SASH1: variants seen among roughly 807,000 people sequenced by gnomAD.
The protein encoded by SASH1 is SAM and SH3 domain-containing protein 1.
SASH1 carries 44 observed loss-of-function variants against 125.2 expected under a neutral mutation model. The observed-to-expected ratio is 0.35, with a 90% CI of 0.28 to 0.45. SASH1 has a LOEUF of 0.45. Ranked by LOEUF, SASH1 falls within the 20% of genes least tolerant of loss-of-function variation. The pLI is 1.00. For missense variants in SASH1, 1,426 were observed against 1,614.5 expected (o/e 0.88, Z 2.00); for synonymous variants, 639 against 649.1 (o/e 0.98, Z 0.24).
At chr6:148,211,880 C>A in the SASH1 span, among the ~76,000 whole-genome samples, 1 of 152,162 alleles carries the variant, frequency 6.6e-6, no homozygotes, top group Non-Finnish European at 1.5e-5. Flanking sequence ...GGAACCCCCA[C>A]GTTCCTTCTT....
chr6:148,312,718 G>A (rs1052856048), intron 1 of SASH1, among the ~76,000 whole-genome samples: 1 of 152,150 alleles, frequency 6.6e-6, no homozygotes, highest in Non-Finnish European at 1.5e-5. Context: ...AGTAAAATTT[G>A]CTAAAGTTTA....
chr6:148,237,754 G>A, the SASH1 span: 12 of 152,140 alleles, frequency 7.9e-5, no homozygotes, highest in African/African-American at 2.7e-4. Context: ...AGCAGACATG[G>A]GCAAAGGGAC....
chr6:148,277,995 G>C (rs941710669), intron 1 of SASH1, among the ~76,000 whole-genome samples: 1 of 151,998 alleles, frequency 6.6e-6, no homozygotes, highest in Non-Finnish European at 1.5e-5. Flanking sequence ...GATTGCAGGC[G>C]TGAGCCACTG....
upstream of SASH1, among the ~76,000 whole-genome samples, chr6:148,268,708 C>A (rs574453876): frequency 1.3e-5 from 2 of 152,340 alleles, no homozygotes; most frequent in East Asian, 3.9e-4. Context: ...CTATTTCTTG[C>A]ACTGTTTTGA....
intron 4 of SASH1, among the ~76,000 whole-genome samples, chr6:148,443,854 A>G (rs1465234978): frequency 6.6e-6 from 1 of 152,178 alleles, no homozygotes; most frequent in East Asian, 1.9e-4. Context: ...CCTTACATCA[A>G]AATGCTTGCT....
chr6:148,256,949 G>A, the SASH1 span, among the ~76,000 whole-genome samples: 1 of 152,066 alleles, frequency 6.6e-6, no homozygotes, highest in African/African-American at 2.4e-5. Context: ...TATGGGGTGT[G>A]GAGGCTTTTT....
intron 1 of SASH1, among the ~76,000 whole-genome samples, chr6:148,356,060 G>C (rs994692201): frequency 1.4e-5 from 2 of 142,212 alleles, no homozygotes; most frequent in African/African-American, 5.3e-5. Context: ...AAAGTCCATT[G>C]TATCATTCTG....
At chr6:148,392,217 C>T (rs1344627851) in intron 2 of SASH1, among the ~76,000 whole-genome samples, 3 of 146,832 alleles carry the variant, frequency 2.0e-5, no homozygotes, top group Non-Finnish European at 4.5e-5. Flanking sequence ...AACTGGGAGG[C>T]GGAGGTTGTG....
In SASH1 at chr6:148,393,982, T is replaced by C. The variant is rs140844606; in HGVS notation, c.285+3720T>C. Among the ~76,000 whole-genome samples the C allele has an allele frequency of 3.8e-3, 571 of 148,782 alleles. 5 individuals are homozygous for C. The highest frequency in any genetic ancestry group is 0.014 in the African/African-American group (563 of 40,432). ...GTCTCGGCTCACTGCAACCTCTGCC[T>C]CCTGGGTTTAAGTAGTTCTCTTGCC... is the stretch of plus-strand genomic sequence containing the variant. On this transcript the variant is annotated intron_variant, in intron 2 of 19. Transcript: ENST00000367467.
chr6:148,339,540 A>T (rs117750060), upstream of SASH1, among the ~76,000 whole-genome samples: 4,945 of 151,134 alleles, frequency 0.033, 118 homozygotes, highest in Admixed American at 0.047. Context: ...ATAAATATAG[A>T]TATCTATATA....
chr6:148,201,198 G>A, the SASH1 span, among the ~76,000 whole-genome samples: 4 of 152,146 alleles, frequency 2.6e-5, no homozygotes, highest in East Asian at 1.9e-4. Context: ...ATGATGACAC[G>A]ATCATAATAA....
At position 148,549,632 on chromosome 6, in the gene SASH1, A is replaced by T; in HGVS notation, c.*1074A>T. ...TCCTTAATAAGGGAAGTCATGTATA[A>T]GATGTTTTCTAAAAGACTTTTCAGT... On this transcript the variant is annotated 3_prime_UTR_variant, in exon 20 of 20. Transcript: ENST00000367467. The T allele has an allele frequency of 2.5e-6, 1 of 399,006 alleles. No individual in the cohort carries two copies. 24.7% of individuals were successfully genotyped at this position (399,006 alleles called of 1,614,324 possible).
intron 2 of SASH1, among the ~76,000 whole-genome samples, chr6:148,417,007 C>G (rs1302094828): frequency 6.6e-6 from 1 of 152,164 alleles, no homozygotes; most frequent in African/African-American, 2.4e-5. Context: ...CCCTGGGAAA[C>G]TGAGAACAGC....
intron 7 of SASH1, among the ~76,000 whole-genome samples, chr6:148,483,037 A>C (rs999402175): frequency 6.6e-6 from 1 of 152,188 alleles, no homozygotes; most frequent in African/African-American, 2.4e-5. Context: ...CTGGAAGCAC[A>C]GCCTGAGATA....
intron 1 of SASH1, among the ~76,000 whole-genome samples, chr6:148,330,746 C>T (rs974655883): frequency 3.9e-5 from 6 of 152,082 alleles, no homozygotes; most frequent in African/African-American, 4.8e-5. Context: ...CCACCACGAC[C>T]GGCTAATTTT....
At chr6:148,427,677 G>C (rs1775885028) in intron 2 of SASH1, among the ~76,000 whole-genome samples, 1 of 152,164 alleles carries the variant, frequency 6.6e-6, no homozygotes, top group Non-Finnish European at 1.5e-5. Context: ...CACCAAGCTT[G>C]ACCCTCTTAG....
intron 8 of SASH1, chr6:148,508,631 C>T (rs1302142141): frequency 8.7e-7 from 1 of 1,151,960 alleles, no homozygotes; most frequent in Non-Finnish European, 1.1e-6. Context: ...GGGAATCAGT[C>T]AGCAAGCAGA....
At chr6:148,199,139 T>C in the SASH1 span, among the ~76,000 whole-genome samples, 1 of 152,188 alleles carries the variant, frequency 6.6e-6, no homozygotes, top group South Asian at 2.1e-4. Flanking sequence ...CCCAGCACTT[T>C]GAGAGGCCAA....
chr6:148,420,743 C>A (rs1785023993), intron 2 of SASH1, among the ~76,000 whole-genome samples: 1 of 151,926 alleles, frequency 6.6e-6, no homozygotes, highest in Admixed American at 6.6e-5. Flanking sequence ...TAATTTGTGT[C>A]CCCCAGTTTG....
Sources: allele counts gnomAD v4.1 joint callset (sites outside exome capture counted in the v4.1 genomes callset), GRCh38; gene constraint gnomAD v4.1.1; transcripts MANE v1.5; gene names NCBI Gene and HGNC (gene_info 2026-07-23, HGNC 2026-07-21).